The following POU1F1 variants were observed in gnomAD, a reference collection of about 807,000 sequenced individuals.
POU1F1 encodes POU class 1 homeobox 1.
In POU1F1, 23 loss-of-function variants were observed where a neutral mutation model predicts 32.3. The ratio of observed to expected loss-of-function variants is 0.71; its 90% CI spans 0.51 to 1.01. The LOEUF is 1.01. Among genes scored for constraint, POU1F1 ranks in the 50% least tolerant of loss-of-function variants. The pLI is 0.00. For missense variants in POU1F1, 323 were observed against 341.6 expected (o/e 0.95, Z 0.43); for synonymous variants, 120 against 115.6 (o/e 1.04, Z -0.25).
rs907429238 is a variant in POU1F1, at chr3:87,274,318, T to C, written c.143-900A>G. ...TCAAGTTGATAGGGAGCACAAAATA[T>C]TGACAATAAAACCAATATTTCCTTA... On this transcript the variant is annotated intron_variant, in intron 1 of 5. Coordinates refer to ENST00000350375, the MANE Select transcript of POU1F1 (RefSeq NM_000306.4). Among the ~76,000 whole-genome samples the C allele has an allele frequency of 3.3e-5, 5 of 152,238 alleles. No homozygotes were observed. The South Asian group carries it at 1.0e-3, about 31-fold the overall frequency.
At chr3:87,268,195 CAGCCTCCCTAGT>C (rs1181521881) in intron 2 of POU1F1, among the ~76,000 whole-genome samples, 1 of 149,352 alleles carries the variant, frequency 6.7e-6, no homozygotes, top group Non-Finnish European at 1.5e-5. Context: ...TCTCCTGCCT[CAGCCTCCCTAGT>C]AGCTGGGACT....
intron 1 of POU1F1, among the ~76,000 whole-genome samples, chr3:87,275,672 G>T (rs1323072049): frequency 6.6e-6 from 1 of 152,094 alleles, no homozygotes; most frequent in Non-Finnish European, 1.5e-5. Flanking sequence ...GTTCTAAAAA[G>T]TTATGTGAGA....
intron 2 of POU1F1, among the ~76,000 whole-genome samples, chr3:87,268,445 T>C (rs1047466458): frequency 1.3e-5 from 2 of 151,994 alleles, no homozygotes; most frequent in African/African-American, 2.4e-5. Flanking sequence ...TCTACAATTA[T>C]CTGCAAGGTC....
chr3:87,264,957 G>A (rs1003568607), intron 2 of POU1F1, among the ~76,000 whole-genome samples: 6 of 152,084 alleles, frequency 3.9e-5, no homozygotes, highest in Middle Eastern at 3.4e-3. Flanking sequence ...TAAATGCTTC[G>A]GCTAAGTGCT....
At chr3:87,264,680 A>G (rs1264847682) in intron 2 of POU1F1, among the ~76,000 whole-genome samples, 168 bp from the exon 3 acceptor site, 1 of 152,174 alleles carries the variant, frequency 6.6e-6, no homozygotes, top group Admixed American at 6.6e-5. Context: ...AAAGTAGCTT[A>G]GTAGAATTGA....
At chr3:87,271,778 G>A (rs939747618) in intron 2 of POU1F1, among the ~76,000 whole-genome samples, 47 of 152,144 alleles carry the variant, frequency 3.1e-4, no homozygotes, top group African/African-American at 1.0e-3. Context: ...CAGAGAGGAA[G>A]AAAAAATATG....
At chr3:87,270,492 A>T (rs1476058105) in intron 2 of POU1F1, among the ~76,000 whole-genome samples, 3 of 152,144 alleles carry the variant, frequency 2.0e-5, no homozygotes, top group African/African-American at 7.2e-5. Context: ...TTTTCCTGTG[A>T]GTTATTAATT....
At position 87,276,379 on chromosome 3, in the gene POU1F1, A is replaced by T. The variant is rs755914583; in HGVS notation, c.84T>A (p.His28Gln). ...DASATLPLIM[H>Q]HSAAECLPVS... is the part of the protein sequence containing the mutation. ...CTGGTAGACACTCGGCAGCACTGTG[A>T]TGCATTATCAGAGGCAGAGTTGCAG... Residue 28 changes from histidine to glutamine, a missense_variant, in exon 1 of 6, where the codon CAT (histidine) becomes CAA (glutamine). Physicochemically the swap from His to Gln is conservative, Grantham distance 24. Coordinates refer to ENST00000350375, the MANE Select transcript of POU1F1 (RefSeq NM_000306.4). 1.5e-5 allele frequency: 24 copies of T among 1,614,032 alleles called. No homozygotes were observed. The highest frequency in any genetic ancestry group is 1.9e-5 in the Non-Finnish European group (22 of 1,179,928).
Position 87,262,247 on chromosome 3 carries a change from CAAT to C in POU1F1, c.440-15_440-13del. 1 of 1,613,758 alleles carries C rather than the reference CAAT, an allele frequency of 6.2e-7. No homozygotes were observed. The highest frequency in any genetic ancestry group is 8.5e-7 in the Non-Finnish European group (1 of 1,179,828). Reference sequence around the variant, plus strand: ...TGTCTGGGTGTATCCTGTGAAGGGACAATAAAGACCATCAGCTCCAACTTTCCA... The same window carrying C: ...TGTCTGGGTGTATCCTGTGAAGGGACAAAGACCATCAGCTCCAACTTTCCA... On this transcript the variant is annotated splice_polypyrimidine_tract_variant and intron_variant, in intron 3 of 5. Coordinates refer to ENST00000350375, the MANE Select transcript of POU1F1 (RefSeq NM_000306.4).
chr3:87,271,937 T>C (rs1387860857), intron 2 of POU1F1, among the ~76,000 whole-genome samples: 1 of 152,164 alleles, frequency 6.6e-6, no homozygotes, highest in Non-Finnish European at 1.5e-5. Context: ...TTTTTCTGGA[T>C]TATTATTTTA....
chr3:87,268,275 T>G (rs1706662422), intron 2 of POU1F1, among the ~76,000 whole-genome samples: 1 of 151,644 alleles, frequency 6.6e-6, no homozygotes, highest in Non-Finnish European at 1.5e-5. Flanking sequence ...ATTTTTTATT[T>G]ATAATTTTTT....
intron 4 of POU1F1, 61 bp from the exon 5 acceptor site, chr3:87,261,394 C>G (rs1706512822): frequency 1.5e-6 from 2 of 1,293,526 alleles, no homozygotes; most frequent in Non-Finnish European, 2.2e-6. Context: ...AAAAAACGAT[C>G]TGATTTGGAT....
chr3:87,260,718 G>C (rs2106926160), intron 5 of POU1F1, among the ~76,000 whole-genome samples: 1 of 152,186 alleles, frequency 6.6e-6, no homozygotes, highest in Non-Finnish European at 1.5e-5. Flanking sequence ...GATATGGCCA[G>C]TCTCTTAGAA....
At chr3:87,262,361 G>T in intron 3 of POU1F1, 126 bp from the exon 4 acceptor site, 1 of 1,025,072 alleles carries the variant, frequency 9.8e-7, no homozygotes, top group Non-Finnish European at 1.4e-6. Flanking sequence ...TATATTCTTG[G>T]CAAATCAGAA....
chr3:87,268,145 C>T (rs1458211281), intron 2 of POU1F1, among the ~76,000 whole-genome samples: 4 of 131,398 alleles, frequency 3.0e-5, no homozygotes, highest in Non-Finnish European at 6.2e-5. Flanking sequence ...CTGGAGTGCT[C>T]TCGGCTCACT....
chr3:87,264,679 T>G (rs1012646542), intron 2 of POU1F1, among the ~76,000 whole-genome samples, 167 bp from the exon 3 acceptor site: 10 of 152,134 alleles, frequency 6.6e-5, no homozygotes, highest in African/African-American at 2.2e-4. Flanking sequence ...CAAAGTAGCT[T>G]AGTAGAATTG....
Position 87,259,640 on chromosome 3 carries a change from A to T in POU1F1, c.*254T>A. The stretch of plus-strand genomic sequence containing the variant: ...GAGAAAGAGAGCGGGAGAGACAGAG[A>T]GATCATTTTATTACTGTTAATATAT... On this transcript the variant is annotated 3_prime_UTR_variant, in exon 6 of 6. Coordinates refer to ENST00000350375, the MANE Select transcript of POU1F1 (RefSeq NM_000306.4). 5.8e-5 allele frequency: 26 copies of T among 450,908 alleles called. No individual in the cohort carries two copies. Among genetic ancestry groups the T allele is most frequent in the South Asian group, 2.4e-4 (10 of 42,298 alleles). The allele number at this position is 450,908 out of a possible 1,614,324, so 27.9% of individuals were successfully genotyped here.
Position 87,264,376 on chromosome 3 carries a change from C to T in POU1F1, c.351G>A (p.Leu117=), listed in dbSNP as rs755420364. The T allele has an allele frequency of 6.2e-7, 1 of 1,613,886 alleles. No individual in the cohort carries two copies. Among genetic ancestry groups the T allele is most frequent in the Admixed American group, 1.7e-5 (1 of 59,976 alleles). The change falls in exon 3 of 6, where the codon TTG becomes TTA. Residue 117 remains leucine, a synonymous_variant. Coordinates refer to ENST00000350375, the MANE Select transcript of POU1F1 (RefSeq NM_000306.4). ...AATCCATGTCTATTGGCTCTTCCAC[C>T]AATTTACTTTTCCGCCTGAGTTCCT... ...FKQELRRKSK[L]VEEPIDMDSP...
chr3:87,274,795 C>T (rs114828583), intron 1 of POU1F1, among the ~76,000 whole-genome samples: 3,072 of 151,564 alleles, frequency 0.02, 56 homozygotes, highest in African/African-American at 0.042. Flanking sequence ...TCATTTAAAA[C>T]ATTTGTAGGT....
Sources: gnomAD v4.1 joint callset for allele counts (sites outside exome capture counted in the v4.1 genomes callset) on GRCh38, gnomAD v4.1.1 for gene constraint, MANE v1.5 for transcripts, NCBI Gene and HGNC (gene_info 2026-07-23, HGNC 2026-07-21) for gene names.